The following UGGT1 variants were observed in gnomAD, a reference collection of about 807,000 sequenced individuals.
UGGT1 encodes UDP-glucose glycoprotein glucosyltransferase 1.
In UGGT1, 107 loss-of-function variants were observed where a neutral mutation model predicts 203.9. The ratio of observed to expected loss-of-function variants is 0.52; its 90% confidence interval spans 0.45 to 0.62. UGGT1 has a LOEUF of 0.62. Among genes scored for constraint, UGGT1 ranks in the 20% least tolerant of loss-of-function variants. The pLI, the probability that UGGT1 is intolerant of heterozygous loss-of-function variation, is 0.00. For missense variants in UGGT1, 1,673 were observed against 1,867.2 expected, an observed-to-expected ratio of 0.90 and a Z score of 1.92; for synonymous variants, 628 against 653.5, an observed-to-expected ratio of 0.96 and a Z score of 0.59.
At chr2:128,117,609 T>C (rs1159257754) in intron 8 of UGGT1, among the ~76,000 whole-genome samples, 3 of 150,040 alleles carry the variant, frequency 2.0e-5, no homozygotes, top group Non-Finnish European at 3.0e-5. Flanking sequence ...AGTGCCACGA[T>C]CTTGGCTCAC....
rs959107811 is a variant in UGGT1 at position 128,130,998 on chromosome 2, C to T, written c.1377+1819C>T. On this transcript the variant is annotated intron_variant, in intron 13 of 40. Coordinates refer to ENST00000259253, the MANE Select transcript of UGGT1 (RefSeq NM_020120.4). The stretch of plus-strand genomic sequence containing the variant: ...CTGTAATCCCAGCACTTTGGGAGGC[C>T]GAGGTGGGTGGATCATTTGAGGTGA... Among the ~76,000 whole-genome samples the T allele has an allele frequency of 9.2e-5, 14 of 151,656 alleles. 1 individual carries two copies. Among genetic ancestry groups the T allele is most frequent in the South Asian group, 2.1e-4 (1 of 4,808 alleles).
At chr2:128,141,675 T>G (rs899926547) in intron 16 of UGGT1, among the ~76,000 whole-genome samples, 1 of 146,266 alleles carries the variant, frequency 6.8e-6, no homozygotes, top group Non-Finnish European at 1.5e-5. Flanking sequence ...TAGCTGGGAT[T>G]AGACGCCTGC....
In UGGT1 at chr2:128,112,454, T is replaced by TTATACATATATATATATA. The variant is rs1553433489; in HGVS notation, c.522-626_522-625insCATATATATATATATATA. Among the ~76,000 whole-genome samples the TTATACATATATATATATA allele has an allele frequency of 1.1e-4, 6 of 55,812 alleles. 1 individual carries two copies. Among genetic ancestry groups the TTATACATATATATATATA allele is most frequent in the Non-Finnish European group, 2.3e-4 (6 of 26,610 alleles). The allele number at this position is 55,812 out of a possible 152,430, so 36.6% of individuals were successfully genotyped here. A position where few individuals can be genotyped will look rare whatever the true frequency, so the allele number is the denominator to read the frequency against. ...AAAAAACCCCCCAAAAAATACTATGTTATATATATATATATATATTACATA... is the reference window on the plus strand; with the variant it reads ...AAAAAACCCCCCAAAAAATACTATGTTATACATATATATATATATATATATATATATATATATTACATA... On this transcript the variant is annotated intron_variant, in intron 5 of 40. Coordinates refer to ENST00000259253, the MANE Select transcript of UGGT1 (RefSeq NM_020120.4).
Position 128,186,003 on chromosome 2 carries a change from A to T in UGGT1, c.4360-680A>T, listed in dbSNP as rs151227914. Among the ~76,000 whole-genome samples the T allele has an allele frequency of 2.7e-3, 409 of 152,258 alleles. 2 individuals carry two copies. The highest frequency in any genetic ancestry group is 9.4e-3 in the African/African-American group (389 of 41,550). ...TCTCAATAGACAAGGTAGATTCAGAACTTCCTTGACAGAAGCCTGCAAAAT... is the reference window on the plus strand; with the variant it reads ...TCTCAATAGACAAGGTAGATTCAGATCTTCCTTGACAGAAGCCTGCAAAAT... On this transcript the variant is annotated intron_variant, in intron 38 of 40. Transcript: ENST00000259253.
At chr2:128,127,008 A>T (rs1688639484) in intron 11 of UGGT1, among the ~76,000 whole-genome samples, 1 of 151,998 alleles carries the variant, frequency 6.6e-6, no homozygotes, top group African/African-American at 2.4e-5. Context: ...TTATCGTCTG[A>T]TGGTGCTGTG....
Position 128,097,467 on chromosome 2 carries a change from G to C in UGGT1, c.97G>C (p.Val33Leu), listed in dbSNP as rs1687165195. Reference protein sequence around the residue: ...YKMGVLVVLTVLWLFSSVKAD... With the variant: ...YKMGVLVVLTLLWLFSSVKAD... Reference sequence around the variant, plus strand: ...AATGGGAGTTCTGGTTGTACTCACTGTTCTGTGGCTGTTCTCCTCAGTAAA... The same window carrying C: ...AATGGGAGTTCTGGTTGTACTCACTCTTCTGTGGCTGTTCTCCTCAGTAAA... Residue 33 changes from valine (V) to leucine (L), a missense_variant, in exon 2 of 41, where the codon GTT (valine) becomes CTT (leucine). By Grantham distance (32) the Val-to-Leu change is conservative. This residue lies in a region of UGGT1 where 83 missense variants were observed against 87.2 expected (regional missense o/e 0.95). Transcript: ENST00000259253. The C allele has an allele frequency of 6.8e-6, 11 of 1,614,054 alleles. No individual in the cohort carries two copies. Among genetic ancestry groups the C allele is most frequent in the Non-Finnish European group, 8.5e-6 (10 of 1,180,008 alleles).
Position 128,160,183 on chromosome 2 carries a change from C to T in UGGT1, c.2563-277C>T, listed in dbSNP as rs73955961. Among the ~76,000 whole-genome samples the T allele has an allele frequency of 5.1e-3, 771 of 152,124 alleles. 10 individuals carry two copies. Among genetic ancestry groups the T allele is most frequent in the African/African-American group, 0.016 (681 of 41,508 alleles). ...CGTTTGAGTTAGGAAAACAGGCTGT[C>T]ACTGGAAATTAGCAGGATTTAAAAA... On this transcript the variant is annotated intron_variant, in intron 23 of 40. Transcript: ENST00000259253.
chr2:128,097,412 T>TC lies in UGGT1; in HGVS notation c.59-16dup. The TC allele has an allele frequency of 6.3e-7, 1 of 1,583,274 alleles. No individual in the cohort carries two copies. Among genetic ancestry groups the TC allele is most frequent in the Non-Finnish European group, 8.5e-7 (1 of 1,171,066 alleles). On this transcript the variant is annotated splice_polypyrimidine_tract_variant and intron_variant, in intron 1 of 40. Transcript: ENST00000259253. ...AATTTCCTTGTAGCAAAACTTCTTT[T>TC]CTTTTTTTCCTTTTAGGAGTTTGCT...
chr2:128,133,008 A>G (rs1688955766), intron 13 of UGGT1, 133 bp from the exon 14 acceptor site: 1 of 1,170,438 alleles, frequency 8.5e-7, no homozygotes, highest in Non-Finnish European at 1.2e-6. Flanking sequence ...ACTGCAGCCA[A>G]TCTTTTTATC....
intron 8 of UGGT1, among the ~76,000 whole-genome samples, chr2:128,116,822 G>A (rs987936935): frequency 6.6e-6 from 1 of 152,130 alleles, no homozygotes; most frequent in Admixed American, 6.5e-5. Flanking sequence ...ACTGCGTCCA[G>A]CCTGAAGCAC....
rs1156775413 is a variant in UGGT1 at position 128,170,202 on chromosome 2, T to C, written c.2922-86T>C. ...CTAGATCTAAAGTTCTTTGAAATGC[T>C]AAGAAGGTTGAAGGTTATATTGTAC... On this transcript the variant is annotated intron_variant, in intron 26 of 40. Transcript: ENST00000259253. 14 of 1,057,142 alleles carry C rather than the reference T, an allele frequency of 1.3e-5. 1 individual carries two copies. In the Admixed American group the frequency reaches 2.6e-4, roughly 20 times the overall value. The allele number at this position is 1,057,142 out of a possible 1,614,324, so 65.5% of individuals were successfully genotyped here. A position where few individuals can be genotyped will look rare whatever the true frequency, so the allele number is the denominator to read the frequency against.
In UGGT1 at chr2:128,190,085, C is replaced by T. The variant is rs904448901; in HGVS notation, c.*343C>T. 1.4e-5 allele frequency: 3 copies of T among 207,608 alleles called. No homozygotes were observed. The highest frequency in any genetic ancestry group is 4.6e-5 in the African/African-American group (2 of 43,892). The allele number at this position is 207,608 out of a possible 1,614,324, so 12.9% of individuals were successfully genotyped here. A position where few individuals can be genotyped will look rare whatever the true frequency, so the allele number is the denominator to read the frequency against. ...AGAGCACACACATGCTGCACTGTCT[C>T]GGAAAGCAGGGCCAGCTAGAGCCAC... On this transcript the variant is annotated 3_prime_UTR_variant, in exon 41 of 41. Transcript: ENST00000259253.
chr2:128,165,224 C>T (rs555807865), intron 26 of UGGT1, among the ~76,000 whole-genome samples: 2 of 152,158 alleles, frequency 1.3e-5, no homozygotes, highest in African/African-American at 2.4e-5. Flanking sequence ...CCCAGAAGCT[C>T]GAGACCAGCA....
chr2:128,175,540 C>A (rs568005720), intron 31 of UGGT1, among the ~76,000 whole-genome samples: 10 of 152,286 alleles, frequency 6.6e-5, no homozygotes, highest in African/African-American at 2.4e-4. Flanking sequence ...TATGTCCTTG[C>A]CTTAATTAGC....
At chr2:128,188,406 G>A (rs1364309283) in intron 40 of UGGT1, among the ~76,000 whole-genome samples, 2 of 152,078 alleles carry the variant, frequency 1.3e-5, no homozygotes, top group African/African-American at 2.4e-5. Context: ...ATTTAATTTA[G>A]TGTTAAGTCT....
At position 128,113,006 on chromosome 2, in the gene UGGT1, C is replaced by T. The variant is rs1021148522; in HGVS notation, c.522-78C>T. On this transcript the variant is annotated intron_variant, in intron 5 of 40. Coordinates refer to ENST00000259253, the MANE Select transcript of UGGT1 (RefSeq NM_020120.4). ...ATAATCTTTATTTGAATTTTCATAA[C>T]TGTACTTTATATTTTGTGACATTTT... The T allele has an allele frequency of 4.7e-6, 6 of 1,278,342 alleles. No individual in the cohort carries two copies. In the African/African-American group the frequency reaches 9.1e-5, roughly 19 times the overall value. The allele number at this position is 1,278,342 out of a possible 1,614,324, so 79.2% of individuals were successfully genotyped here.
chr2:128,172,285 G>A (rs1297272288), intron 28 of UGGT1, among the ~76,000 whole-genome samples: 3 of 152,294 alleles, frequency 2.0e-5, no homozygotes, highest in Middle Eastern at 3.4e-3. Context: ...TGGCTGCTGA[G>A]TATGAGCTAG....
chr2:128,109,759 T>C lies in UGGT1; in HGVS notation c.521+13T>C. The C allele has an allele frequency of 1.9e-6, 3 of 1,597,900 alleles. No homozygotes were observed. Among genetic ancestry groups the C allele is most frequent in the Non-Finnish European group, 1.7e-6 (2 of 1,165,892 alleles). On this transcript the variant is annotated intron_variant, in intron 5 of 40. Transcript: ENST00000259253. The stretch of plus-strand genomic sequence containing the variant: ...CAGCCTCTGAAAGGTAGATTATGTG[T>C]TTCTTTATTTTCATGTCATGCATTT...
rs550761984 is a variant in UGGT1, at chr2:128,187,534, A to G, written c.4562A>G (p.Lys1521Arg). The G allele has an allele frequency of 1.2e-6, 2 of 1,614,200 alleles. No homozygotes were observed. The highest frequency in any genetic ancestry group is 1.3e-5 in the African/African-American group (1 of 75,060). The change falls in exon 40 of 41, where the codon AAA (lysine) becomes AGA (arginine). Residue 1521 changes from lysine (K) to arginine (R), a missense_variant. By Grantham distance (26) the Lys-to-Arg change is conservative. Around this residue, in one of 4 missense-constraint regions of UGGT1, gnomAD observed 513 missense variants for 684.1 expected, o/e 0.75. Transcript: ENST00000259253. ...TGGCAGGACTACGACCAAGAGATCA[A>G]ACAGCTACAGATCCGCTTTCAGAAG... ...PEWQDYDQEIKQLQIRFQKEK... is the reference protein window; with the variant it reads ...PEWQDYDQEIRQLQIRFQKEK...
Sources: allele counts gnomAD v4.1 joint callset (sites outside exome capture counted in the v4.1 genomes callset), GRCh38; gene constraint gnomAD v4.1.1; regional missense constraint gnomAD v4.1.1; transcripts MANE v1.5; gene names NCBI Gene and HGNC (gene_info 2026-07-23, HGNC 2026-07-21).